THAP9: variants seen among roughly 807,000 people sequenced by gnomAD.
THAP9 encodes DNA transposase THAP9.
Under a neutral mutation model 35.7 loss-of-function variants are expected in THAP9, and 20 were observed. The ratio of observed to expected loss-of-function variants is 0.56; its 90% CI spans 0.39 to 0.81. THAP9 has a LOEUF of 0.81. THAP9 is among the 40% of genes least tolerant of loss of function. THAP9 has a pLI of 0.00. For missense variants in THAP9, 870 were observed against 1,047.4 expected (o/e 0.83, Z 2.34); for synonymous variants, 335 against 373.7 (o/e 0.90, Z 1.19).
In THAP9 at chr4:82,918,831, G is replaced by A. The variant is rs770872995; in HGVS notation, c.2619G>A (p.Trp873Ter). The change falls in exon 5 of 5, where the codon TGG (tryptophan) becomes TGA (stop). Residue 873 changes from tryptophan to a stop codon, truncating the protein, a stop_gained. Transcript: ENST00000302236. LOFTEE classifies it high-confidence loss of function. ...TDMKTLSRKH[W>*]SSVQDYKCSS... ...TGAAAACTTTATCAAGGAAACACTG[G>A]TCATCTGTACAGGATTATAAATGTT... 2.5e-6 allele frequency: 4 copies of A among 1,613,662 alleles called. No homozygotes were observed. The highest frequency in any genetic ancestry group is 3.4e-6 in the Non-Finnish European group (4 of 1,179,788).
At chr4:82,907,705 C>A in intron 3 of THAP9, 80 bp from the exon 4 acceptor site, 1 of 1,029,430 alleles carries the variant, frequency 9.7e-7, no homozygotes, top group Non-Finnish European at 1.4e-6. Flanking sequence ...ATGCCCAGTG[C>A]ATTTTATATC....
At chr4:82,902,147 C>T (rs1184247374) in intron 1 of THAP9, among the ~76,000 whole-genome samples, 23 of 96,858 alleles carry the variant, frequency 2.4e-4, no homozygotes, top group African/African-American at 9.2e-4. Context: ...CTCACTTTGT[C>T]GCCCAGGCTG....
Position 82,911,685 on chromosome 4 carries a change from G to A in THAP9, c.731+3750G>A, listed in dbSNP as rs142297084. Among the ~76,000 whole-genome samples the A allele has an allele frequency of 5.3e-5, 8 of 152,322 alleles. No individual in the cohort carries two copies. In the East Asian group the frequency reaches 1.5e-3, roughly 29 times the overall value. The stretch of plus-strand genomic sequence containing the variant: ...TCCAGTCAGCCTCCCTGAGTAGCTA[G>A]AACTACAGACATGCACCACCACACT... On this transcript the variant is annotated intron_variant, in intron 4 of 4. Transcript: ENST00000302236.
Position 82,904,949 on chromosome 4 carries a change from T to C in THAP9, c.276+18T>C, listed in dbSNP as rs1720581017. 2.5e-6 allele frequency: 4 copies of C among 1,605,300 alleles called. No homozygotes were observed. The highest frequency in any genetic ancestry group is 3.4e-6 in the Non-Finnish European group (4 of 1,175,792). Reference sequence around the variant, plus strand: ...TATACAAGGTATTTAAATGTAGGTGTAAGTCAACAAAATGAAAATTTACAG... The same window carrying C: ...TATACAAGGTATTTAAATGTAGGTGCAAGTCAACAAAATGAAAATTTACAG... On this transcript the variant is annotated intron_variant, in intron 2 of 4. Transcript: ENST00000302236.
Position 82,916,981 on chromosome 4 carries a change from A to C in THAP9, c.769A>C (p.Ser257Arg), listed in dbSNP as rs369047725. 37 of 1,545,516 alleles carry C rather than the reference A, an allele frequency of 2.4e-5. No individual in the cohort carries two copies. The African/African-American group carries it at 3.3e-4, about 14-fold the overall frequency. ...SKCQPSPGFN[S>R]NIFSFLQRRV... is the part of the protein sequence containing the mutation. The stretch of plus-strand genomic sequence containing the variant: ...ATGCCAACCCAGTCCAGGTTTCAAC[A>C]GCAACATTTTTTCTTTTCTTCAACG... The change falls in exon 5 of 5, where the codon AGC (serine) becomes CGC (arginine). Residue 257 changes from serine to arginine, a missense_variant. Around this residue, in one of 3 missense-constraint regions of THAP9, gnomAD observed 440 missense variants for 501.2 expected, o/e 0.88. Transcript: ENST00000302236.
chr4:82,911,829 A>G (rs532289734), intron 4 of THAP9, among the ~76,000 whole-genome samples: 21 of 152,368 alleles, frequency 1.4e-4, no homozygotes, highest in African/African-American at 4.8e-4. Flanking sequence ...GTCACCTACC[A>G]GGAAAAGTAA....
chr4:82,906,507 A>C lies in THAP9; in HGVS notation c.460A>C (p.Ile154Leu). Reference sequence around the variant, plus strand: ...GTTACAAGTGTCCAAAAAAAGACTTATCTCCGTAAAGAACTACAGGATGAT... The same window carrying C: ...GTTACAAGTGTCCAAAAAAAGACTTCTCTCCGTAAAGAACTACAGGATGAT... Reference protein sequence around the residue: ...QMLQVSKKRLISVKNYRMIKK... With the variant: ...QMLQVSKKRLLSVKNYRMIKK... Residue 154 changes from isoleucine to leucine, a missense_variant, in exon 3 of 5, where the codon ATC (isoleucine) becomes CTC (leucine). Transcript: ENST00000302236. 6.2e-7 allele frequency: 1 copy of C among 1,613,862 alleles called. No individual in the cohort carries two copies. The highest frequency in any genetic ancestry group is 8.5e-7 in the Non-Finnish European group (1 of 1,179,802).
chr4:82,904,017 C>G (rs1720535181), intron 1 of THAP9, among the ~76,000 whole-genome samples: 2 of 150,714 alleles, frequency 1.3e-5, no homozygotes, highest in South Asian at 2.1e-4. Flanking sequence ...ATCACTAACT[C>G]TAGCCCATAC....
rs769765098 is a variant in THAP9 at position 82,907,806 on chromosome 4, A to C, written c.602A>C (p.Asn201Thr). 6.3e-7 allele frequency: 1 copy of C among 1,589,892 alleles called. No individual in the cohort carries two copies. Among genetic ancestry groups the C allele is most frequent in the East Asian group, 2.3e-5 (1 of 44,310 alleles). Reference protein sequence around the residue: ...QFSDFKWELYNWRETDEYSAE... With the variant: ...QFSDFKWELYTWRETDEYSAE... ...ACAGATTTTAAGTGGGAGTTATATAATTGGAGAGAAACAGATGAGTACTCC... is the reference window on the plus strand; with the variant it reads ...ACAGATTTTAAGTGGGAGTTATATACTTGGAGAGAAACAGATGAGTACTCC... Residue 201 changes from asparagine to threonine, a missense_variant, in exon 4 of 5, where the codon AAT becomes ACT. Asn to Thr is a moderately conservative substitution (Grantham distance 65). This residue lies in a region of THAP9 where 440 missense variants were observed against 501.2 expected (regional missense o/e 0.88). Coordinates refer to ENST00000302236, the MANE Select transcript of THAP9 (RefSeq NM_024672.6).
chr4:82,916,581 A>G (rs1250557224), intron 4 of THAP9, among the ~76,000 whole-genome samples: 1 of 152,218 alleles, frequency 6.6e-6, no homozygotes, highest in Non-Finnish European at 1.5e-5. Context: ...GTTCTCAAAG[A>G]TTCCTTCACA....
intron 1 of THAP9, among the ~76,000 whole-genome samples, chr4:82,904,057 CCT>C (rs1720538106): frequency 3.9e-5 from 5 of 128,570 alleles, no homozygotes; most frequent in Admixed American, 3.0e-4. Flanking sequence ...TTAGGCTCCC[CCT>C]TTTTTTTTTT....
chr4:82,909,547 G>T (rs1025692229), intron 4 of THAP9, among the ~76,000 whole-genome samples: 1 of 151,634 alleles, frequency 6.6e-6, no homozygotes, highest in African/African-American at 2.4e-5. Context: ...ACGTTATTTT[G>T]AACTCTTTAT....
At position 82,917,037 on chromosome 4, in the gene THAP9, A is replaced by G. The variant is rs759301770; in HGVS notation, c.825A>G (p.Gln275=). 2.1e-5 allele frequency: 34 copies of G among 1,610,060 alleles called. No homozygotes were observed. The highest frequency in any genetic ancestry group is 3.4e-5 in the Admixed American group (2 of 58,984). Residue 275 remains glutamine, a synonymous_variant, in exon 5 of 5, where the codon CAA becomes CAG. Transcript: ENST00000302236. ...TAGAGAATGGAGATCAGCTCTATCA[A>G]TACTGTTCATTGTTAATAAAAAGTA... ...RRVENGDQLY[Q]YCSLLIKSMP...
intron 4 of THAP9, among the ~76,000 whole-genome samples, chr4:82,914,502 TTAA>T (rs1164085365): frequency 1.3e-5 from 2 of 152,260 alleles, no homozygotes; most frequent in African/African-American, 4.8e-5. Flanking sequence ...TGTTGACTTT[TTAA>T]TAATAGTCAT....
chr4:82,904,733 T>C lies in THAP9; in HGVS notation c.81-3T>C. The C allele has an allele frequency of 6.2e-7, 1 of 1,614,096 alleles. No homozygotes were observed. Among genetic ancestry groups the C allele is most frequent in the Non-Finnish European group, 8.5e-7 (1 of 1,179,968 alleles). On this transcript the variant is annotated splice_region_variant and splice_polypyrimidine_tract_variant and intron_variant, in intron 1 of 4. Coordinates refer to ENST00000302236, the MANE Select transcript of THAP9 (RefSeq NM_024672.6). ...TAATGGAACTTTAATGTGATTGTCA[T>C]AGATTTCCAACTGATACCATACAGC...
In THAP9 at chr4:82,917,963, T is replaced by A. The variant is rs1388152403; in HGVS notation, c.1751T>A (p.Leu584Ter). 2 of 1,614,038 alleles carry A rather than the reference T, an allele frequency of 1.2e-6. No individual in the cohort carries two copies. The highest frequency in any genetic ancestry group is 2.2e-5 in the South Asian group (2 of 91,074). Residue 584 changes from leucine (L) to a stop codon, truncating the protein, a stop_gained, in exon 5 of 5, where the codon TTA becomes TAA. Coordinates refer to ENST00000302236, the MANE Select transcript of THAP9 (RefSeq NM_024672.6). LOFTEE classifies it high-confidence loss of function. Reference protein sequence around the residue: ...FLGFLLNAESLKWLYQNYVFP... With the variant: ...FLGFLLNAES ...GGATTTTTGCTCAATGCTGAGAGCT[T>A]AAAATGGCTCTACCAAAATTATGTT...
Position 82,919,783 on chromosome 4 carries a change from C to T in THAP9, c.*859C>T, listed in dbSNP as rs1223153759. 1 of 152,216 alleles carries T rather than the reference C, an allele frequency of 6.6e-6. No individual in the cohort carries two copies. Among genetic ancestry groups the T allele is most frequent in the Admixed American group, 6.5e-5 (1 of 15,288 alleles). The allele number at this position is 152,216 out of a possible 1,614,324, so 9.4% of individuals were successfully genotyped here. ...AAAAACATAGGTAACTCTACTTTCA[C>T]AAATGAGGATAGTTTAACGGATAGA... On this transcript the variant is annotated 3_prime_UTR_variant, in exon 5 of 5. Transcript: ENST00000302236.
At chr4:82,907,664 A>C in intron 3 of THAP9, 121 bp from the exon 4 acceptor site, 1 of 759,862 alleles carries the variant, frequency 1.3e-6, no homozygotes, top group Non-Finnish European at 2.0e-6. Context: ...AGACTTAATC[A>C]AAATGCAACT....
intron 1 of THAP9, among the ~76,000 whole-genome samples, chr4:82,904,057 CCTT>C (rs1720538215): frequency 7.8e-6 from 1 of 128,482 alleles, no homozygotes; most frequent in Non-Finnish European, 1.6e-5. Context: ...TTAGGCTCCC[CCTT>C]TTTTTTTTTT....
Sources: allele counts gnomAD v4.1 joint callset (sites outside exome capture counted in the v4.1 genomes callset), GRCh38; gene constraint gnomAD v4.1.1; regional missense constraint gnomAD v4.1.1; transcripts MANE v1.5; gene names NCBI Gene and HGNC (gene_info 2026-07-23, HGNC 2026-07-21).